Variants in SLC39A11 observed in about 807,000 individuals in gnomAD.
SLC39A11 encodes the protein solute carrier family 39 member 11, also known as zinc transporter ZIP11.
SLC39A11 carries 33 observed loss-of-function variants against 36.1 expected under a neutral mutation model. That is an observed-to-expected ratio of 0.91 (90% CI 0.69 to 1.22). The LOEUF (loss-of-function observed/expected upper bound fraction) is 1.22, where lower values mean the gene tolerates loss of function less well. SLC39A11 is among the 50% of genes most tolerant of loss of function. The probability of loss-of-function intolerance (pLI) is 0.00; values close to 1 mark genes in which losing one functional copy is unlikely to be tolerated. For missense variants in SLC39A11, 432 were observed against 430.3 expected (o/e 1.00, Z -0.03); for synonymous variants, 166 against 170.3 (o/e 0.97, Z 0.20).
At chr17:73,088,307 AAAAAG>A (rs2060806125) in intron 2 of SLC39A11, among the ~76,000 whole-genome samples, 1 of 151,764 alleles carries the variant, frequency 6.6e-6, no homozygotes, top group Non-Finnish European at 1.5e-5. Flanking sequence ...AAAAAAAAGA[AAAAAG>A]AAAAAAGAAA....
intron 4 of SLC39A11, among the ~76,000 whole-genome samples, chr17:72,990,854 C>T (rs925679377): frequency 6.6e-5 from 10 of 152,136 alleles, no homozygotes; most frequent in African/African-American, 2.4e-4. Flanking sequence ...CTGTCAAGAC[C>T]AGGGACCATT....
rs140362105 is a variant in SLC39A11 at position 72,828,572 on chromosome 17, T to C, written c.601+21062A>G. On this transcript the variant is annotated intron_variant, in intron 6 of 9. Coordinates refer to ENST00000255559, the MANE Select transcript of SLC39A11 (RefSeq NM_139177.4). ...TTAGATCAATAGACCCCAGAGCCTG[T>C]GTGCTTAACTAAGGACCCTAAAAGA... Among the ~76,000 whole-genome samples the C allele has an allele frequency of 1.1e-4, 17 of 152,332 alleles. No individual in the cohort carries two copies. In the East Asian group the frequency reaches 3.1e-3, roughly 28 times the overall value.
intron 6 of SLC39A11, among the ~76,000 whole-genome samples, chr17:72,838,683 A>G (rs2078677331): frequency 6.6e-6 from 1 of 152,208 alleles, no homozygotes; most frequent in Admixed American, 6.5e-5. Flanking sequence ...AATGCCACAC[A>G]ATAAAGTTGC....
At chr17:72,949,591 C>T (rs560423382) in intron 4 of SLC39A11, among the ~76,000 whole-genome samples, 63 of 152,090 alleles carry the variant, frequency 4.1e-4, no homozygotes, top group Middle Eastern at 6.9e-3. Context: ...ATGGAAGGGG[C>T]AATGGGTCTC....
chr17:72,655,938 C>T (rs1408138003), intron 7 of SLC39A11, among the ~76,000 whole-genome samples: 4 of 152,260 alleles, frequency 2.6e-5, no homozygotes, highest in Admixed American at 6.5e-5. Context: ...CAAGGGCAGC[C>T]TCCCGGGGGG....
At chr17:73,050,880 C>T (rs2059474123) in intron 3 of SLC39A11, among the ~76,000 whole-genome samples, 1 of 152,128 alleles carries the variant, frequency 6.6e-6, no homozygotes, top group Non-Finnish European at 1.5e-5. Context: ...GGACCAGTGT[C>T]ATCAGTGCAG....
intron 6 of SLC39A11, among the ~76,000 whole-genome samples, chr17:72,846,014 C>CT (rs1275294702): frequency 5.6e-4 from 54 of 96,246 alleles, no homozygotes; most frequent in African/African-American, 2.1e-3. Flanking sequence ...CTCTCTCTCT[C>CT]TCTCTTTTTT....
chr17:72,753,889 CAAAAA>C (rs35076559), intron 6 of SLC39A11, among the ~76,000 whole-genome samples: 16 of 51,944 alleles, frequency 3.1e-4, no homozygotes, highest in Admixed American at 2.7e-3. Flanking sequence ...AGTCATTATA[CAAAAA>C]AAAAAAAAAA....
Position 73,004,155 on chromosome 17 carries a change from GAAGGAAAA to G in SLC39A11, c.306+27393_306+27400del, listed in dbSNP as rs879784050. ...GGAAAGAAAGGAAGAAAGAAAGAAAGAAGGAAAAAAAGAAAGAAAGAAAGAAAGAAAGA... is the reference window on the plus strand; with the variant it reads ...GGAAAGAAAGGAAGAAAGAAAGAAAGAAAGAAAGAAAGAAAGAAAGAAAGA... On this transcript the variant is annotated intron_variant, in intron 4 of 9. Transcript: ENST00000255559. 9.2e-4 allele frequency among the ~76,000 whole-genome samples: 114 copies of G among 123,574 alleles called. 1 individual carries two copies. The highest frequency in any genetic ancestry group is 1.9e-3 in the African/African-American group (62 of 32,004). The allele number at this position is 123,574 out of a possible 152,430, so 81.1% of individuals were successfully genotyped here.
At chr17:73,042,664 G>A (rs911836379) in intron 3 of SLC39A11, among the ~76,000 whole-genome samples, 1 of 152,186 alleles carries the variant, frequency 6.6e-6, no homozygotes, top group Non-Finnish European at 1.5e-5. Context: ...AGCCGAGCAT[G>A]TTGGCGGGCA....
chr17:72,872,511 C>T (rs576981576), intron 5 of SLC39A11, among the ~76,000 whole-genome samples: 12 of 152,190 alleles, frequency 7.9e-5, no homozygotes, highest in African/African-American at 2.4e-4. Flanking sequence ...GCTATGGCAC[C>T]GAAAAGCTGA....
intron 4 of SLC39A11, among the ~76,000 whole-genome samples, chr17:73,010,241 T>C (rs2090439270): frequency 6.6e-6 from 1 of 152,096 alleles, no homozygotes. Context: ...TCTGGTGTGG[T>C]CTGAAGTTTG....
At chr17:72,820,486 C>T (rs756259671) in intron 6 of SLC39A11, among the ~76,000 whole-genome samples, 1 of 151,198 alleles carries the variant, frequency 6.6e-6, no homozygotes, top group Non-Finnish European at 1.5e-5. Flanking sequence ...TCACAACCTC[C>T]CTTCAACAGG....
intron 4 of SLC39A11, among the ~76,000 whole-genome samples, chr17:72,973,315 C>CT (rs2087591647): frequency 9.3e-6 from 1 of 107,112 alleles, no homozygotes; most frequent in Non-Finnish European, 2.4e-5. Context: ...CCCAGCACTG[C>CT]CGGGGGGGCA....
At chr17:72,774,799 C>T (rs1270059826) in intron 6 of SLC39A11, among the ~76,000 whole-genome samples, 1 of 152,186 alleles carries the variant, frequency 6.6e-6, no homozygotes, top group African/African-American at 2.4e-5. Context: ...TAGCTACATA[C>T]ATTTGCCATT....
At chr17:72,837,705 G>A (rs1327863132) in intron 6 of SLC39A11, 1 of 211,184 alleles carries the variant, frequency 4.7e-6, no homozygotes, top group Non-Finnish European at 9.3e-6. Flanking sequence ...GTATTATCTG[G>A]CCAGAAAAAG....
chr17:72,648,159 G>A (rs531013384), intron 9 of SLC39A11, among the ~76,000 whole-genome samples: 3 of 151,696 alleles, frequency 2.0e-5, no homozygotes, highest in Admixed American at 6.6e-5. Context: ...GCGAAACCCC[G>A]TCTCTACTAT....
intron 4 of SLC39A11, among the ~76,000 whole-genome samples, chr17:73,005,575 C>G (rs1455579291): frequency 2.0e-5 from 3 of 152,208 alleles, no homozygotes; most frequent in Non-Finnish European, 4.4e-5. Flanking sequence ...GTTCTATATG[C>G]AGAGGCTCTG....
At chr17:72,707,456 T>C (rs1043831809) in intron 7 of SLC39A11, among the ~76,000 whole-genome samples, 13 of 152,180 alleles carry the variant, frequency 8.5e-5, no homozygotes, top group Non-Finnish European at 2.9e-5. Flanking sequence ...TTTTGCTATA[T>C]TGATTACAAC....
Sources: gnomAD v4.1 joint callset for allele counts (sites outside exome capture counted in the v4.1 genomes callset) on GRCh38, gnomAD v4.1.1 for gene constraint, MANE v1.5 for transcripts, NCBI Gene and HGNC (gene_info 2026-07-23, HGNC 2026-07-21) for gene names.